Variants in NRG3 observed in about 807,000 individuals in gnomAD.
NRG3 encodes pro-neuregulin-3, membrane-bound isoform.
In NRG3, 31 loss-of-function variants were observed where a neutral mutation model predicts 66.9. The ratio of observed to expected loss-of-function variants is 0.46; its 90% confidence interval spans 0.35 to 0.63. NRG3 has a LOEUF of 0.63. NRG3 is among the 20% of genes least tolerant of loss of function. The pLI, the probability that NRG3 is intolerant of heterozygous loss-of-function variation, is 0.00. For synonymous variants in NRG3, 393 were observed against 359.4 expected, an observed-to-expected ratio of 1.09 and a Z score of -1.06; for missense variants, 910 against 878.9, an observed-to-expected ratio of 1.04 and a Z score of -0.45.
intron 1 of NRG3, among the ~76,000 whole-genome samples, chr10:82,251,423 G>C (rs528564778): frequency 2.9e-4 from 44 of 152,252 alleles, no homozygotes; most frequent in African/African-American, 8.4e-4. Context: ...TGCAGGTACC[G>C]AGAAGGCTTT....
chr10:82,337,034 G>T (rs1415152710), intron 1 of NRG3, among the ~76,000 whole-genome samples: 2 of 152,110 alleles, frequency 1.3e-5, no homozygotes, highest in East Asian at 1.9e-4. Flanking sequence ...GGCATAACAT[G>T]AAATTGACTG....
chr10:82,863,345 G>T (rs751161161), intron 3 of NRG3, among the ~76,000 whole-genome samples: 3 of 152,158 alleles, frequency 2.0e-5, no homozygotes, highest in African/African-American at 7.2e-5. Context: ...CTTTATAGCA[G>T]AATGATTTAT....
chr10:82,924,036 C>A (rs1846727902), intron 4 of NRG3, among the ~76,000 whole-genome samples: 2 of 144,326 alleles, frequency 1.4e-5, no homozygotes, highest in Non-Finnish European at 3.0e-5. Flanking sequence ...AGGCAGTGAG[C>A]CGAGATCATG....
At chr10:82,910,704 C>T (rs1247021561) in intron 4 of NRG3, among the ~76,000 whole-genome samples, 2 of 152,196 alleles carry the variant, frequency 1.3e-5, no homozygotes, top group Non-Finnish European at 2.9e-5. Flanking sequence ...ATGTACTTTC[C>T]CCCAAATATG....
chr10:82,756,742 A>AC (rs1231253207), intron 3 of NRG3, among the ~76,000 whole-genome samples: 33 of 152,168 alleles, frequency 2.2e-4, no homozygotes, highest in African/African-American at 7.7e-4. Flanking sequence ...AACAAACTGG[A>AC]CCTTGTTGGA....
chr10:82,246,411 T>C (rs1037425352), intron 1 of NRG3, among the ~76,000 whole-genome samples: 1 of 152,186 alleles, frequency 6.6e-6, no homozygotes, highest in Non-Finnish European at 1.5e-5. Flanking sequence ...GGAAGCACTC[T>C]GATGATGTGA....
intron 2 of NRG3, among the ~76,000 whole-genome samples, chr10:82,419,167 C>G (rs576916592): frequency 6.6e-6 from 1 of 152,112 alleles, no homozygotes; most frequent in African/African-American, 2.4e-5. Flanking sequence ...GTGAAATTAA[C>G]TATTTTCACA....
intron 2 of NRG3, among the ~76,000 whole-genome samples, chr10:82,723,553 A>G (rs2057424256): frequency 6.6e-6 from 1 of 152,260 alleles, no homozygotes. Context: ...TGAAATGATA[A>G]AACATTTTGC....
chr10:82,670,447 A>G (rs1301202370), intron 2 of NRG3, among the ~76,000 whole-genome samples: 2 of 152,150 alleles, frequency 1.3e-5, no homozygotes, highest in African/African-American at 4.8e-5. Context: ...CACGCTTATT[A>G]TTCAGTCCTA....
chr10:82,885,246 C>A (rs1190488145), intron 4 of NRG3, among the ~76,000 whole-genome samples: 1 of 152,138 alleles, frequency 6.6e-6, no homozygotes, highest in Admixed American at 6.5e-5. Flanking sequence ...TTTTCTAACA[C>A]AATTGTGACA....
intron 1 of NRG3, among the ~76,000 whole-genome samples, chr10:82,143,053 GCCACTGTGC>G (rs1729560917): frequency 6.6e-6 from 1 of 151,534 alleles, no homozygotes; most frequent in Non-Finnish European, 1.5e-5. Flanking sequence ...ACAGACCTGA[GCCACTGTGC>G]CCAGCCAAGA....
chr10:82,781,459 T>A (rs1565308911), intron 3 of NRG3, among the ~76,000 whole-genome samples: 1 of 152,210 alleles, frequency 6.6e-6, no homozygotes, highest in African/African-American at 2.4e-5. Context: ...AACCTCTATC[T>A]TGGCTTATAT....
chr10:82,895,393 A>C (rs1453813621), intron 4 of NRG3, among the ~76,000 whole-genome samples: 2 of 152,148 alleles, frequency 1.3e-5, no homozygotes, highest in Non-Finnish European at 2.9e-5. Flanking sequence ...AATCATAGAG[A>C]AGGCATAAAC....
Position 82,148,731 on chromosome 10 carries a change from C to T in NRG3, c.824-210008C>T, listed in dbSNP as rs185082752. On this transcript the variant is annotated intron_variant, in intron 1 of 8. Transcript: ENST00000372141. ...GATTCTCACCTTGGGAATCACTGAC[C>T]TAGGAAATGTCTTCTCTTCATCCAA... is the stretch of plus-strand genomic sequence containing the variant. 1.4e-3 allele frequency among the ~76,000 whole-genome samples: 218 copies of T among 152,144 alleles called. 1 individual carries two copies. The highest frequency in any genetic ancestry group is 2.2e-3 in the Non-Finnish European group (149 of 68,008).
At chr10:82,395,140 A>G (rs73310894) in intron 2 of NRG3, among the ~76,000 whole-genome samples, 18 of 152,182 alleles carry the variant, frequency 1.2e-4, no homozygotes, top group East Asian at 3.9e-4. Context: ...GCTGCTGCCA[A>G]TTCATTGAAA....
At chr10:82,746,115 C>A (rs1488230411) in intron 3 of NRG3, among the ~76,000 whole-genome samples, 1 of 152,286 alleles carries the variant, frequency 6.6e-6, no homozygotes, top group Non-Finnish European at 1.5e-5. Context: ...TGGTCTTGAA[C>A]TCCTGGCCTC....
chr10:82,149,318 T>C (rs2070511740), intron 1 of NRG3, among the ~76,000 whole-genome samples: 1 of 152,170 alleles, frequency 6.6e-6, no homozygotes, highest in African/African-American at 2.4e-5. Flanking sequence ...AGCTACCCAG[T>C]AACTGATTAT....
At chr10:82,784,489 A>G (rs1284393976) in intron 3 of NRG3, among the ~76,000 whole-genome samples, 2 of 152,250 alleles carry the variant, frequency 1.3e-5, no homozygotes, top group Admixed American at 1.3e-4. Flanking sequence ...CAGAATCTAC[A>G]ATGAACTCAA....
chr10:82,965,372 TAAG>T (rs1442547351), intron 6 of NRG3, among the ~76,000 whole-genome samples: 3 of 152,124 alleles, frequency 2.0e-5, no homozygotes, highest in Admixed American at 6.5e-5. Context: ...GATACAATCT[TAAG>T]AATAAGTTTG....
Sources: gnomAD v4.1 joint callset for allele counts (sites outside exome capture counted in the v4.1 genomes callset) on GRCh38, gnomAD v4.1.1 for gene constraint, MANE v1.5 for transcripts, NCBI Gene and HGNC (gene_info 2026-07-23, HGNC 2026-07-21) for gene names.